The following TSHZ2 variants were observed in gnomAD, a reference collection of about 807,000 sequenced individuals.
TSHZ2 encodes teashirt homolog 2.
TSHZ2 carries 21 observed loss-of-function variants against 74.4 expected under a neutral mutation model. The ratio of observed to expected loss-of-function variants is 0.28; its 90% CI spans 0.20 to 0.41. TSHZ2 has a LOEUF of 0.41. TSHZ2 is among the 10% of genes least tolerant of loss of function. The pLI, the probability that TSHZ2 is intolerant of heterozygous loss-of-function variation, is 1.00. For missense variants in TSHZ2, 1,244 were observed against 1,293.5 expected (o/e 0.96, Z 0.59); for synonymous variants, 540 against 515.3 (o/e 1.05, Z -0.65).
chr20:53,017,984 C>T (rs2123023612), intron 1 of TSHZ2, among the ~76,000 whole-genome samples: 1 of 152,220 alleles, frequency 6.6e-6, no homozygotes, highest in South Asian at 2.1e-4. Context: ...GTGGAGTATG[C>T]AATGCAGTGA....
chr20:53,297,588 C>T (rs1325420887), intron 2 of TSHZ2, among the ~76,000 whole-genome samples: 1 of 152,208 alleles, frequency 6.6e-6, no homozygotes, highest in East Asian at 1.9e-4. Context: ...AACCTATCAA[C>T]CAGTGTATTA....
intron 2 of TSHZ2, among the ~76,000 whole-genome samples, chr20:53,264,589 G>A (rs370911467): frequency 1.2e-4 from 18 of 152,360 alleles, no homozygotes; most frequent in African/African-American, 4.3e-4. Flanking sequence ...GAATGAGCAA[G>A]TGTTTCTAAA....
intron 1 of TSHZ2, among the ~76,000 whole-genome samples, chr20:53,114,627 G>A (rs888045609): frequency 3.3e-5 from 5 of 151,982 alleles, no homozygotes; most frequent in African/African-American, 9.7e-5. Flanking sequence ...TTGTTGGTGT[G>A]TTGGTGCTGT....
At chr20:52,984,698 C>G (rs1042916433) in intron 1 of TSHZ2, among the ~76,000 whole-genome samples, 6 of 152,072 alleles carry the variant, frequency 3.9e-5, no homozygotes, top group African/African-American at 1.4e-4. Flanking sequence ...CTCTGGCTGT[C>G]CTGCGATTTA....
chr20:53,276,794 G>A (rs555134369), intron 2 of TSHZ2, among the ~76,000 whole-genome samples: 3 of 152,178 alleles, frequency 2.0e-5, no homozygotes, highest in South Asian at 4.2e-4. Flanking sequence ...GTGTTGGTCC[G>A]GGGACCACAC....
intron 1 of TSHZ2, among the ~76,000 whole-genome samples, chr20:53,102,485 G>A (rs914194597): frequency 2.0e-5 from 3 of 146,460 alleles, no homozygotes; most frequent in African/African-American, 5.4e-5. Context: ...AGAGGGGAGA[G>A]GAGGGGAGAG....
At chr20:53,140,736 C>G (rs1440454249) in intron 1 of TSHZ2, among the ~76,000 whole-genome samples, 6 of 152,264 alleles carry the variant, frequency 3.9e-5, no homozygotes, top group African/African-American at 1.4e-4. Context: ...CGTTTCCAGT[C>G]TTACCACTCC....
intron 1 of TSHZ2, among the ~76,000 whole-genome samples, chr20:53,147,786 T>G (rs1244596237): frequency 1.3e-5 from 2 of 152,192 alleles, no homozygotes; most frequent in Non-Finnish European, 2.9e-5. Context: ...GTGCCATCTC[T>G]GCTCACTGCA....
chr20:53,249,141 G>A (rs368158720), intron 1 of TSHZ2, among the ~76,000 whole-genome samples: 1 of 152,068 alleles, frequency 6.6e-6, no homozygotes, highest in Non-Finnish European at 1.5e-5. Flanking sequence ...GCACACAGCC[G>A]ATACTCTGGT....
chr20:53,240,382 C>T (rs979477885), intron 1 of TSHZ2, among the ~76,000 whole-genome samples: 1 of 152,138 alleles, frequency 6.6e-6, no homozygotes, highest in South Asian at 2.1e-4. Context: ...ATGATGTACC[C>T]TAGAACACTA....
At position 53,190,137 on chromosome 20, in the gene TSHZ2, ATT is replaced by A. The variant is rs57127898; in HGVS notation, c.41-63359_41-63358del. Among the ~76,000 whole-genome samples the A allele has an allele frequency of 9.8e-4, 89 of 90,512 alleles. 3 individuals carry two copies. Among genetic ancestry groups the A allele is most frequent in the South Asian group, 8.1e-3 (17 of 2,108 alleles). 59.4% of individuals were successfully genotyped at this position (90,512 alleles called of 152,430 possible). ...TATATATATATATATATATATATAT[ATT>A]TTCTTAAATGCCTCTGTTTCTTTTT... is the stretch of plus-strand genomic sequence containing the variant. On this transcript the variant is annotated intron_variant, in intron 1 of 2. Transcript: ENST00000371497.
Position 52,992,396 on chromosome 20 carries a change from G to A in TSHZ2, c.40+19063G>A, listed in dbSNP as rs1012772881. ...TATAGATAAACCGATGCATGCACAT[G>A]GCACTCGTGAACATTTGCTTATCTC... On this transcript the variant is annotated intron_variant, in intron 1 of 2. Transcript: ENST00000371497. Among the ~76,000 whole-genome samples the A allele has an allele frequency of 2.6e-5, 4 of 152,158 alleles. No individual in the cohort carries two copies. The East Asian group carries it at 5.8e-4, about 22-fold the overall frequency.
intron 1 of TSHZ2, among the ~76,000 whole-genome samples, chr20:52,988,697 TATCCATGATGGCATTTTTGTAA>T (rs1981863898): frequency 6.6e-6 from 1 of 152,174 alleles, no homozygotes; most frequent in Non-Finnish European, 1.5e-5. Flanking sequence ...TCTCTTATGC[TATCCATGATGGCATTTTTGTAA>T]ATCCATTCCT....
At chr20:53,451,288 G>C (rs1164943631) in intron 2 of TSHZ2, among the ~76,000 whole-genome samples, 1 of 152,210 alleles carries the variant, frequency 6.6e-6, no homozygotes, top group Non-Finnish European at 1.5e-5. Context: ...TCATGCAACA[G>C]AGAATAAAGC....
chr20:53,080,556 G>A (rs1280594394), intron 1 of TSHZ2, among the ~76,000 whole-genome samples: 1 of 152,158 alleles, frequency 6.6e-6, no homozygotes, highest in Non-Finnish European at 1.5e-5. Context: ...CAGGATGAAA[G>A]TCTTTCACCT....
chr20:53,061,154 A>C (rs1471346419), intron 1 of TSHZ2, among the ~76,000 whole-genome samples: 1 of 152,202 alleles, frequency 6.6e-6, no homozygotes, highest in Non-Finnish European at 1.5e-5. Flanking sequence ...TGCAACCCTG[A>C]ACGTTTTTTG....
chr20:53,144,714 C>T (rs1210763000), intron 1 of TSHZ2, among the ~76,000 whole-genome samples: 3 of 152,088 alleles, frequency 2.0e-5, no homozygotes, highest in Non-Finnish European at 4.4e-5. Flanking sequence ...AGTCTGACTC[C>T]GGAGCTGTGC....
intron 1 of TSHZ2, among the ~76,000 whole-genome samples, chr20:53,033,368 A>C (rs568097090): frequency 1.3e-5 from 2 of 152,146 alleles, no homozygotes; most frequent in African/African-American, 4.8e-5. Flanking sequence ...TGCCAGTGTC[A>C]ATGTGTGATG....
rs1600622998 is a variant in TSHZ2, at chr20:52,972,842, T to C, written c.-452T>C. ...CAGGATTGCCTTTTTTTTTTCCTTA[T>C]CTTTACGCGCGAGTGTGCCTGTGGC... On this transcript the variant is annotated 5_prime_UTR_variant, in exon 1 of 3. Coordinates refer to ENST00000371497, the MANE Select transcript of TSHZ2 (RefSeq NM_173485.6). 1 of 196,974 alleles carries C rather than the reference T, an allele frequency of 5.1e-6. No homozygotes were observed. Among genetic ancestry groups the C allele is most frequent in the African/African-American group, 2.4e-5 (1 of 40,938 alleles). The allele number at this position is 196,974 out of a possible 1,614,324, so 12.2% of individuals were successfully genotyped here.
Sources: gnomAD v4.1 joint callset for allele counts (sites outside exome capture counted in the v4.1 genomes callset) on GRCh38, gnomAD v4.1.1 for gene constraint, MANE v1.5 for transcripts, NCBI Gene and HGNC (gene_info 2026-07-23, HGNC 2026-07-21) for gene names.